The following PLCB4 variants were observed in gnomAD, a reference collection of about 807,000 sequenced individuals.
PLCB4 encodes the protein phospholipase C beta 4.
A neutral mutation model predicts 178.8 loss-of-function variants in PLCB4; 77 were observed. The ratio of observed to expected loss-of-function variants is 0.43; its 90% CI spans 0.36 to 0.52. The LOEUF is 0.52. PLCB4 is among the 20% of genes least tolerant of loss of function. PLCB4 has a pLI of 0.00. For missense variants in PLCB4, 1,024 were observed against 1,453.4 expected (o/e 0.70, Z 4.80); for synonymous variants, 496 against 490.8 (o/e 1.01, Z -0.14).
intron 3 of PLCB4, among the ~76,000 whole-genome samples, chr20:9,272,883 A>AT (rs201282723): frequency 0.095 from 12,546 of 131,754 alleles, 582 homozygotes; most frequent in East Asian, 0.24. Flanking sequence ...GGTTACAGGG[A>AT]TTTTTTTTTT....
Position 9,143,948 on chromosome 20 carries a change from A to G in PLCB4, c.-79+47606A>G, listed in dbSNP as rs182576703. On this transcript the variant is annotated intron_variant, in intron 2 of 39. Coordinates refer to ENST00000378473, the MANE Select transcript of PLCB4 (RefSeq NM_001377142.1). The stretch of plus-strand genomic sequence containing the variant: ...GCTTTTATAAATGAGAAGAATAAAC[A>G]GTCTTGAGGGACTTAACTTTGTTGG... Among the ~76,000 whole-genome samples, 371 of 152,262 alleles carry G rather than the reference A, an allele frequency of 2.4e-3. 2 individuals carry two copies. Among genetic ancestry groups the G allele is most frequent in the African/African-American group, 8.8e-3 (365 of 41,566 alleles).
intron 3 of PLCB4, among the ~76,000 whole-genome samples, chr20:9,256,584 G>A (rs548561840): frequency 1.3e-5 from 2 of 152,296 alleles, no homozygotes; most frequent in East Asian, 1.9e-4. Context: ...AGGATGTTGG[G>A]TGGGCAAGTT....
At chr20:9,459,873 T>C in intron 35 of PLCB4, 63 bp downstream of exon 35, 1 of 1,133,288 alleles carries the variant, frequency 8.8e-7, no homozygotes, top group Non-Finnish European at 1.3e-6. Flanking sequence ...TGATTTTGTG[T>C]GTATAAGAGA....
rs188669343 is a variant in PLCB4, at chr20:9,099,281, A to G, written c.-79+2939A>G. Among the ~76,000 whole-genome samples the G allele has an allele frequency of 6.6e-5, 10 of 152,286 alleles. No homozygotes were observed. The East Asian group carries it at 1.7e-3, about 26-fold the overall frequency. ...AGGGCCAGAATGTTTTTAAATAGTC[A>G]GAAGAAAGAAATACTCAGATGTTTA... On this transcript the variant is annotated intron_variant, in intron 2 of 39. Coordinates refer to ENST00000378473, the MANE Select transcript of PLCB4 (RefSeq NM_001377142.1).
At chr20:9,172,620 G>A (rs138951432) in intron 2 of PLCB4, among the ~76,000 whole-genome samples, 3 of 97,768 alleles carry the variant, frequency 3.1e-5, no homozygotes, top group African/African-American at 4.3e-5. Context: ...ATTTCCATTC[G>A]CATTTCCTTT....
chr20:9,121,878 T>C (rs1429832918), intron 2 of PLCB4, among the ~76,000 whole-genome samples: 1 of 152,240 alleles, frequency 6.6e-6, no homozygotes, highest in Admixed American at 6.5e-5. Context: ...ATTTTAGTTA[T>C]AAAATTTGTG....
chr20:9,191,673 G>T (rs1239207602), intron 2 of PLCB4, among the ~76,000 whole-genome samples: 1 of 151,962 alleles, frequency 6.6e-6, no homozygotes, highest in African/African-American at 2.4e-5. Flanking sequence ...ATGGTCTGTG[G>T]TCAGTTTTGT....
intron 35 of PLCB4, among the ~76,000 whole-genome samples, chr20:9,462,965 T>G (rs546717089): frequency 6.6e-6 from 1 of 152,142 alleles, no homozygotes; most frequent in African/African-American, 2.4e-5. Flanking sequence ...CACATAATTG[T>G]CAGATTCACC....
chr20:9,287,709 A>G (rs1309902476), intron 3 of PLCB4, among the ~76,000 whole-genome samples: 1 of 152,134 alleles, frequency 6.6e-6, no homozygotes, highest in Admixed American at 6.6e-5. Flanking sequence ...TTAATATTAC[A>G]GAAATGCAAT....
chr20:9,431,642 G>A (rs1052731208), intron 28 of PLCB4, among the ~76,000 whole-genome samples: 4 of 123,414 alleles, frequency 3.2e-5, no homozygotes, highest in Admixed American at 8.7e-5. Context: ...ATTTGTGTGT[G>A]TGTGTGTTTG....
intron 3 of PLCB4, among the ~76,000 whole-genome samples, chr20:9,254,280 A>G (rs1293788269): frequency 6.6e-6 from 1 of 152,232 alleles, no homozygotes; most frequent in Non-Finnish European, 1.5e-5. Flanking sequence ...AACAAAATCA[A>G]TTCTTCAGCT....
intron 3 of PLCB4, among the ~76,000 whole-genome samples, chr20:9,254,705 A>G (rs1209021896): frequency 6.6e-6 from 1 of 152,176 alleles, no homozygotes; most frequent in Non-Finnish European, 1.5e-5. Flanking sequence ...CTCAAAAAAT[A>G]AAAATAAAAA....
chr20:9,293,152 A>AGAATG lies in PLCB4; in HGVS notation c.-15-14629_-15-14625dup, dbSNP rs369314731. Reference sequence around the variant, plus strand: ...CAGAGACACAGACAGAAGTAAGGAAAGAATGGAATGGAATGGAATGGAAAG... The same window carrying AGAATG: ...CAGAGACACAGACAGAAGTAAGGAAAGAATGGAATGGAATGGAATGGAATGGAAAG... On this transcript the variant is annotated intron_variant, in intron 3 of 39. Transcript: ENST00000378473. 1.6e-3 allele frequency among the ~76,000 whole-genome samples: 235 copies of AGAATG among 151,108 alleles called. 1 individual carries two copies. The highest frequency in any genetic ancestry group is 4.7e-3 in the African/African-American group (191 of 41,070).
chr20:9,090,918 T>A (rs556563915), intron 1 of PLCB4, among the ~76,000 whole-genome samples: 1 of 152,208 alleles, frequency 6.6e-6, no homozygotes. Flanking sequence ...GCAATATACA[T>A]GCAATTTGTT....
intron 32 of PLCB4, among the ~76,000 whole-genome samples, chr20:9,444,506 T>C (rs1159818018): frequency 6.6e-6 from 1 of 152,216 alleles, no homozygotes; most frequent in African/African-American, 2.4e-5. Flanking sequence ...GGCTCACGCC[T>C]GTAATCCCAG....
intron 8 of PLCB4, among the ~76,000 whole-genome samples, chr20:9,364,149 C>T (rs763309324): frequency 6.6e-6 from 1 of 152,202 alleles, no homozygotes; most frequent in Admixed American, 6.5e-5. Context: ...ATGTGTTGTG[C>T]AGCTGCTTCT....
chr20:9,108,402 A>G (rs2091446632), intron 2 of PLCB4, among the ~76,000 whole-genome samples: 1 of 152,098 alleles, frequency 6.6e-6, no homozygotes, highest in Admixed American at 6.6e-5. Context: ...AGGAAAACCA[A>G]GGGCATATGG....
intron 3 of PLCB4, among the ~76,000 whole-genome samples, chr20:9,221,646 G>A (rs184354445): frequency 3.4e-4 from 52 of 152,314 alleles, no homozygotes; most frequent in African/African-American, 1.2e-3. Context: ...GTCAGCTACT[G>A]GTTCAAAGAG....
chr20:9,242,170 C>G (rs1194547683), intron 3 of PLCB4, among the ~76,000 whole-genome samples: 1 of 152,186 alleles, frequency 6.6e-6, no homozygotes, highest in African/African-American at 2.4e-5. Context: ...GTCAAAGTTA[C>G]AGGACAAAGG....
Sources: allele counts gnomAD v4.1 joint callset (sites outside exome capture counted in the v4.1 genomes callset), GRCh38; gene constraint gnomAD v4.1.1; transcripts MANE v1.5; gene names NCBI Gene and HGNC (gene_info 2026-07-23, HGNC 2026-07-21).